The following ALK variants were observed in gnomAD, a reference collection of about 807,000 sequenced individuals.
ALK encodes ALK receptor tyrosine kinase, also known as ALK tyrosine kinase receptor.
ALK carries 74 observed loss-of-function variants against 163.1 expected under a neutral mutation model. That is an observed-to-expected ratio of 0.45 (90% confidence interval 0.38 to 0.55). The LOEUF (loss-of-function observed/expected upper bound fraction) is 0.55. Among genes scored for constraint, ALK ranks in the 20% least tolerant of loss-of-function variants. The pLI, the probability that ALK is intolerant of heterozygous loss-of-function variation, is 0.00. For missense variants in ALK, 2,063 were observed against 2,105.3 expected (o/e 0.98, Z 0.39); for synonymous variants, 960 against 843.2 (o/e 1.14, Z -2.40).
At chr2:29,907,933 C>T (rs1049798171) in intron 1 of ALK, among the ~76,000 whole-genome samples, 1 of 152,070 alleles carries the variant, frequency 6.6e-6, no homozygotes, top group African/African-American at 2.4e-5. Flanking sequence ...TTCAAGGTTC[C>T]AAAACCTTAG....
intron 4 of ALK, among the ~76,000 whole-genome samples, chr2:29,385,959 A>G (rs1359799795): frequency 6.6e-6 from 1 of 152,234 alleles, no homozygotes; most frequent in East Asian, 1.9e-4. Flanking sequence ...ATTTAGGCAT[A>G]TCGTCAATCC....
At chr2:29,492,471 A>T (rs1362248474) in intron 4 of ALK, among the ~76,000 whole-genome samples, 2 of 152,120 alleles carry the variant, frequency 1.3e-5, no homozygotes, top group African/African-American at 4.8e-5. Flanking sequence ...TAGGAGTGGG[A>T]AGAGGGAATC....
At chr2:29,773,385 G>C (rs1459494227) in intron 1 of ALK, among the ~76,000 whole-genome samples, 1 of 152,004 alleles carries the variant, frequency 6.6e-6, no homozygotes, top group African/African-American at 2.4e-5. Context: ...AATCTTTCAG[G>C]GGCCCTCTGT....
intron 3 of ALK, among the ~76,000 whole-genome samples, chr2:29,538,221 G>A (rs760403464): frequency 6.6e-6 from 1 of 152,178 alleles, no homozygotes; most frequent in African/African-American, 2.4e-5. Context: ...ATATGGTTTG[G>A]ATGTGTTTGT....
At chr2:29,813,759 T>C (rs1664818280) in intron 1 of ALK, among the ~76,000 whole-genome samples, 1 of 152,036 alleles carries the variant, frequency 6.6e-6, no homozygotes, top group East Asian at 1.9e-4. Context: ...CTCAGTCTGT[T>C]CTCCTTGTGG....
intron 1 of ALK, among the ~76,000 whole-genome samples, chr2:29,852,832 TTCTCTCTCTCTCTCTCTCTC>T (rs56348355): frequency 6.7e-6 from 1 of 148,474 alleles, no homozygotes; most frequent in South Asian, 2.1e-4. Flanking sequence ...GACCAGAGCT[TTCTCTCTCTCTCTCTCTCTC>T]TCTCTCTCTC....
chr2:29,498,106 G>A (rs1672077805), intron 4 of ALK, among the ~76,000 whole-genome samples: 1 of 152,162 alleles, frequency 6.6e-6, no homozygotes, highest in African/African-American at 2.4e-5. Context: ...CTGAGAGGAT[G>A]ATAAAGAATT....
chr2:29,603,469 G>A (rs1675434334), intron 3 of ALK, among the ~76,000 whole-genome samples: 1 of 152,144 alleles, frequency 6.6e-6, no homozygotes, highest in Non-Finnish European at 1.5e-5. Context: ...CAAAGAGTCT[G>A]TTTTGTCAGC....
chr2:29,306,086 C>T (rs942761623), intron 8 of ALK, among the ~76,000 whole-genome samples: 3 of 152,054 alleles, frequency 2.0e-5, no homozygotes, highest in Admixed American at 1.3e-4. Context: ...CAGTACTGGT[C>T]GGTGGCCTGG....
intron 1 of ALK, among the ~76,000 whole-genome samples, chr2:29,779,755 G>A (rs1031138332): frequency 3.3e-5 from 5 of 152,176 alleles, no homozygotes; most frequent in Non-Finnish European, 7.3e-5. Flanking sequence ...AACCAATCAA[G>A]TATAGAAGGT....
intron 3 of ALK, among the ~76,000 whole-genome samples, chr2:29,679,008 C>T (rs1368622360): frequency 6.6e-6 from 1 of 151,816 alleles, no homozygotes; most frequent in African/African-American, 2.4e-5. Context: ...CTTGTTTCCC[C>T]TTTCAGTTCT....
intron 5 of ALK, among the ~76,000 whole-genome samples, chr2:29,345,619 T>G (rs1452317094): frequency 6.6e-6 from 1 of 151,888 alleles, no homozygotes; most frequent in East Asian, 1.9e-4. Flanking sequence ...GGTTCCACTT[T>G]TAGGAAACTT....
At chr2:29,542,217 T>TG (rs1193860095) in intron 3 of ALK, among the ~76,000 whole-genome samples, 3 of 152,208 alleles carry the variant, frequency 2.0e-5, no homozygotes, top group African/African-American at 7.2e-5. Flanking sequence ...TGTTTTGTTT[T>TG]TTTTCAGTTT....
intron 1 of ALK, among the ~76,000 whole-genome samples, chr2:29,791,793 G>C (rs968831313): frequency 6.6e-6 from 1 of 152,034 alleles, no homozygotes; most frequent in Non-Finnish European, 1.5e-5. Context: ...TATATGGTTT[G>C]TGCAATATAG....
At chr2:29,509,467 T>G (rs1391901832) in intron 4 of ALK, among the ~76,000 whole-genome samples, 1 of 152,188 alleles carries the variant, frequency 6.6e-6, no homozygotes, top group Non-Finnish European at 1.5e-5. Flanking sequence ...TCTCTCATGC[T>G]TTTCAGTGAA....
intron 5 of ALK, among the ~76,000 whole-genome samples, chr2:29,345,836 C>G (rs11127216): frequency 0.49 from 74,415 of 151,880 alleles, 19,029 homozygotes; most frequent in East Asian, 0.94. Context: ...AAAAAGAAAA[C>G]CAACCAGCCA....
chr2:29,387,468 T>G (rs1338009577), intron 4 of ALK, among the ~76,000 whole-genome samples: 1 of 152,144 alleles, frequency 6.6e-6, no homozygotes, highest in Non-Finnish European at 1.5e-5. Context: ...ACCTACAGGC[T>G]AGAAGAGATA....
chr2:29,550,960 T>C (rs888992697), intron 3 of ALK, among the ~76,000 whole-genome samples: 5 of 152,212 alleles, frequency 3.3e-5, no homozygotes, highest in Admixed American at 2.6e-4. Context: ...ATTTGTGTAA[T>C]AGTCCAATAA....
intron 3 of ALK, among the ~76,000 whole-genome samples, chr2:29,583,849 T>C (rs1161105080): frequency 6.6e-6 from 1 of 152,224 alleles, no homozygotes; most frequent in Admixed American, 6.5e-5. Flanking sequence ...CCTAAATTTG[T>C]TTACTAAATA....
Sources: allele counts gnomAD v4.1 joint callset (sites outside exome capture counted in the v4.1 genomes callset), GRCh38; gene constraint gnomAD v4.1.1; transcripts MANE v1.5; gene names NCBI Gene and HGNC (gene_info 2026-07-23, HGNC 2026-07-21).